The following CACNA1A variants were observed in gnomAD, a reference collection of about 807,000 sequenced individuals.
The protein encoded by CACNA1A is calcium voltage-gated channel subunit alpha1 A, also known as voltage-dependent P/Q-type calcium channel subunit alpha-1A.
In CACNA1A, 57 loss-of-function variants were observed where a neutral mutation model predicts 262.4. That is an observed-to-expected ratio of 0.22 (90% CI 0.18 to 0.27). The LOEUF (loss-of-function observed/expected upper bound fraction) is 0.27. Ranked by LOEUF, CACNA1A falls within the 10% of genes least tolerant of loss-of-function variation. The probability of loss-of-function intolerance (pLI) is 1.00; values close to 1 mark genes in which losing one functional copy is unlikely to be tolerated. For synonymous variants in CACNA1A, 1,431 were observed against 1,419.3 expected (o/e 1.01, Z -0.18); for missense variants, 2,526 against 3,562.8 (o/e 0.71, Z 7.41).
rs766749084 is a variant in CACNA1A at position 13,214,272 on chromosome 19, C to T, written c.5901G>A (p.Gln1967=). The T allele has an allele frequency of 1.1e-5, 18 of 1,611,938 alleles. No homozygotes were observed. The highest frequency in any genetic ancestry group is 1.4e-5 in the Non-Finnish European group (17 of 1,179,868). ...TGGCCTGCAGCTTCTTGGCCTTGCTCTGCCGGTAGTACTCCATGATCATCA... is the reference window on the plus strand; with the variant it reads ...TGGCCTGCAGCTTCTTGGCCTTGCTTTGCCGGTAGTACTCCATGATCATCA... ...AAMMIMEYYR[Q]SKAKKLQAMR... The change falls in exon 40 of 47, where the codon CAG becomes CAA. Residue 1967 remains glutamine, a synonymous_variant. Coordinates refer to ENST00000360228, the MANE Select transcript of CACNA1A (RefSeq NM_001127222.2). The surrounding 1 kb of genome is among the most constrained non-coding windows in gnomAD (Gnocchi z 4.1).
rs767517315 is a variant in CACNA1A, at chr19:13,255,141, G to A, written c.4709C>T (p.Thr1570Met). 6.2e-7 allele frequency: 1 copy of A among 1,613,900 alleles called. No individual in the cohort carries two copies. The highest frequency in any genetic ancestry group is 8.5e-7 in the Non-Finnish European group (1 of 1,179,842). The change falls in exon 29 of 47, where the codon ACG becomes ATG. Residue 1570 changes from threonine (T) to methionine (M), a missense_variant. Coordinates refer to ENST00000360228, the MANE Select transcript of CACNA1A (RefSeq NM_001127222.2). ...GTTGAGGGCGATCATGGCCATGATC[G>A]TGTACTCGAAAGGCGGAGACACCAC... ...QFVVSPPFEY[T>M]IMAMIALNTI...
Position 13,333,976 on chromosome 19 carries a change from C to T in CACNA1A, c.1198+402G>A, listed in dbSNP as rs116023736. 9.0e-3 allele frequency: 1,585 copies of T among 176,164 alleles called. 24 individuals carry two copies. The highest frequency in any genetic ancestry group is 0.035 in the African/African-American group (1,491 of 42,352). 10.9% of individuals were successfully genotyped at this position (176,164 alleles called of 1,614,324 possible). On this transcript the variant is annotated intron_variant, in intron 8 of 46. Coordinates refer to ENST00000360228, the MANE Select transcript of CACNA1A (RefSeq NM_001127222.2). Reference sequence around the variant, plus strand: ...GCTGAACAAATAAATATGTGCCTACCGTGTATCAGGCACTTCTCTCCCCAA... The same window carrying T: ...GCTGAACAAATAAATATGTGCCTACTGTGTATCAGGCACTTCTCTCCCCAA...
At chr19:13,275,517 C>T (rs2057124042) in intron 24 of CACNA1A, 2 of 332,944 alleles carry the variant, frequency 6.0e-6, no homozygotes, top group African/African-American at 2.1e-5. Flanking sequence ...GCGGTTTGGG[C>T]GGCGCTTGTG....
chr19:13,305,466 C>T (rs4433935), intron 15 of CACNA1A, among the ~76,000 whole-genome samples: 55,859 of 152,060 alleles, frequency 0.37, 10,787 homozygotes, highest in Middle Eastern at 0.52. Flanking sequence ...CTATCCATAT[C>T]CCCATGAGGA....
At chr19:13,300,502 TG>T in intron 18 of CACNA1A, 47 bp downstream of exon 18, 1 of 1,308,332 alleles carries the variant, frequency 7.6e-7, no homozygotes, top group Non-Finnish European at 1.1e-6. Flanking sequence ...TGGGATAGTG[TG>T]GACGTTCAGG....
rs763253182 is a variant in CACNA1A, at chr19:13,207,602, C to T, written c.7232G>A (p.Arg2411Gln). 2.0e-6 allele frequency: 3 copies of T among 1,482,004 alleles called. No homozygotes were observed. Among genetic ancestry groups the T allele is most frequent in the Admixed American group, 2.2e-5 (1 of 44,848 alleles). 91.8% of individuals were successfully genotyped at this position (1,482,004 alleles called of 1,614,324 possible). A position where few individuals can be genotyped will look rare whatever the true frequency, so the allele number is the denominator to read the frequency against. ...ATCGGCCTCGTCGTAGTCGGAGCCC[C>T]GGTAGTAGCCATGGTGCCGGGGACC... ...PPGPRHHGYYRGSDYDEADGP... is the reference protein window; with the variant it reads ...PPGPRHHGYYQGSDYDEADGP... The change falls in exon 47 of 47, where the codon CGG (arginine) becomes CAG (glutamine). Residue 2411 changes from arginine (R) to glutamine (Q), a missense_variant. By Grantham distance (43) the Arg-to-Gln change is conservative (BLOSUM62 1). Transcript: ENST00000360228. The surrounding 1 kb of genome is among the most constrained non-coding windows in gnomAD (Gnocchi z 5.7).
intron 3 of CACNA1A, among the ~76,000 whole-genome samples, chr19:13,417,302 AG>A (rs2060240787): frequency 6.6e-6 from 1 of 152,048 alleles, no homozygotes; most frequent in African/African-American, 2.4e-5. Flanking sequence ...GTGGGTCCCG[AG>A]GGGTTTCCAC....
chr19:13,444,846 C>T (rs1010887), intron 3 of CACNA1A, among the ~76,000 whole-genome samples: 20,312 of 152,032 alleles, frequency 0.13, 1,776 homozygotes, highest in East Asian at 0.26. Flanking sequence ...GCCTTAAAAT[C>T]CAATGATGCG....
At chr19:13,281,802 G>A (rs948934204) in intron 22 of CACNA1A, among the ~76,000 whole-genome samples, 3 of 152,354 alleles carry the variant, frequency 2.0e-5, no homozygotes, top group African/African-American at 4.8e-5. Context: ...TTTCGACTGC[G>A]AGATGGACGA....
rs909344317 is a variant in CACNA1A, at chr19:13,298,915, C to T, written c.2718G>A (p.Arg906=). 5.6e-6 allele frequency: 9 copies of T among 1,594,592 alleles called. No individual in the cohort carries two copies. In the African/African-American group the frequency reaches 1.1e-4, roughly 19 times the overall value. The change falls in exon 19 of 47, where the codon CGG becomes CGA. Residue 906 remains arginine, a synonymous_variant. Coordinates refer to ENST00000360228, the MANE Select transcript of CACNA1A (RefSeq NM_001127222.2). ...ACCCGGGTTGCTCCAGGCTGCCCTC[C>T]CGGGCGTGGTGGTCCGACTCGCGGC... ...PYGRESDHHA[R]EGSLEQPGFW...
intron 9 of CACNA1A, among the ~76,000 whole-genome samples, chr19:13,330,641 CAG>C (rs1282141952): frequency 1.3e-5 from 2 of 152,070 alleles, no homozygotes; most frequent in Non-Finnish European, 2.9e-5. Flanking sequence ...CTCTGTCACC[CAG>C]AGAGTGGTGT....
intron 3 of CACNA1A, among the ~76,000 whole-genome samples, chr19:13,378,137 TG>T (rs1227369830): frequency 1.3e-5 from 2 of 152,206 alleles, no homozygotes; most frequent in Non-Finnish European, 2.9e-5. Context: ...GCAGAAGTGA[TG>T]GAACTAGCAA....
chr19:13,341,819 C>T (rs535015966), intron 6 of CACNA1A, among the ~76,000 whole-genome samples: 4 of 152,166 alleles, frequency 2.6e-5, no homozygotes, highest in African/African-American at 7.2e-5. Context: ...CTTGTTCTCT[C>T]GTCTTCCTGG....
At chr19:13,435,915 C>T (rs2060604765) in intron 3 of CACNA1A, among the ~76,000 whole-genome samples, 1 of 152,194 alleles carries the variant, frequency 6.6e-6, no homozygotes, top group African/African-American at 2.4e-5. Context: ...ACCTCCACCT[C>T]CCCAGTTCAG....
intron 3 of CACNA1A, among the ~76,000 whole-genome samples, chr19:13,375,489 G>A (rs1444530771): frequency 6.6e-6 from 1 of 152,106 alleles, no homozygotes; most frequent in Admixed American, 6.6e-5. Context: ...AGGAAGGCGT[G>A]TCAAAAGCTG....
chr19:13,255,732 C>CCTCCCTCCTTCTCTCCCTCT (rs2056539663), intron 28 of CACNA1A, among the ~76,000 whole-genome samples: 1 of 116,722 alleles, frequency 8.6e-6, no homozygotes, highest in Non-Finnish European at 1.8e-5. Flanking sequence ...TCTCTCCCTC[C>CCTCCCTCCTTCTCTCCCTCT]CTCCTTCCCT....
Position 13,212,425 on chromosome 19 carries a change from C to T in CACNA1A, c.6148G>A (p.Gly2050Ser), listed in dbSNP as rs1334334611. 6.2e-7 allele frequency: 1 copy of T among 1,613,178 alleles called. No individual in the cohort carries two copies. The highest frequency in any genetic ancestry group is 8.5e-7 in the Non-Finnish European group (1 of 1,179,614). Residue 2050 changes from glycine (G) to serine (S), a missense_variant, in exon 42 of 47, where the codon GGC becomes AGC. Gly to Ser is a moderately conservative substitution (Grantham distance 56). Around this residue, in one of 17 missense-constraint regions of CACNA1A, gnomAD observed 929 missense variants for 868.1 expected, o/e 1.07. Coordinates refer to ENST00000360228, the MANE Select transcript of CACNA1A (RefSeq NM_001127222.2). This position sits in a 1 kb window ranked among gnomAD's most constrained non-coding sequence, Gnocchi z 5.6. ...CTGTTGGGCATGTCGGTAGGGGGGC[C>T]TTGTTCCGGACTCCATGTGCCCGTC... ...QKTGTWSPEQ[G>S]PPTDMPNSQP...
chr19:13,242,960 G>C (rs1404711733), intron 31 of CACNA1A, among the ~76,000 whole-genome samples: 1 of 152,206 alleles, frequency 6.6e-6, no homozygotes, highest in African/African-American at 2.4e-5. Flanking sequence ...CTGCCAGCCA[G>C]GAGAACAGGC....
At chr19:13,227,651 G>C (rs867046878) in intron 36 of CACNA1A, 124 bp from the exon 37 acceptor site, 83 of 402,010 alleles carry the variant, frequency 2.1e-4, no homozygotes, top group African/African-American at 1.6e-3. Flanking sequence ...ATCCACACGA[G>C]CCGAAAAAAT....
Sources: gnomAD v4.1 joint callset for allele counts (sites outside exome capture counted in the v4.1 genomes callset) on GRCh38, gnomAD v4.1.1 for gene constraint, gnomAD v4.1.1 regional missense constraint, Gnocchi (gnomAD v3.1) non-coding constraint, MANE v1.5 for transcripts, NCBI Gene and HGNC (gene_info 2026-07-23, HGNC 2026-07-21) for gene names.